CES2: variants seen among roughly 807,000 people sequenced by gnomAD.
CES2 encodes the protein carboxylesterase 2, also known as cocaine esterase.
A neutral mutation model predicts 52.1 loss-of-function variants in CES2; 42 were observed. The observed-to-expected ratio is 0.81, with a 90% confidence interval of 0.63 to 1.04. CES2 has a LOEUF of 1.04. Among genes scored for constraint, CES2 ranks in the 50% least tolerant of loss-of-function variants. CES2 has a pLI of 0.00. For missense variants in CES2, 656 were observed against 724.3 expected (o/e 0.91, Z 1.08); for synonymous variants, 277 against 289.6 (o/e 0.96, Z 0.44).
At chr16:66,936,137 G>T (rs112096129) in intron 1 of CES2, among the ~76,000 whole-genome samples, 2 of 152,278 alleles carry the variant, frequency 1.3e-5, no homozygotes, top group South Asian at 4.1e-4. Flanking sequence ...TGGCCAGGGG[G>T]GATGCCCTGA....
rs767936258 is a variant in CES2, at chr16:66,941,108, C to G, written c.817-16C>G. On this transcript the variant is annotated splice_polypyrimidine_tract_variant and intron_variant, in intron 5 of 11. Transcript: ENST00000317091. ...ACCTGGAAGGATGAGCCAGCCCCTG[C>G]CTGGTCCCTTTACAGGTGGTGGCCA... is the stretch of plus-strand genomic sequence containing the variant. The G allele has an allele frequency of 1.9e-6, 3 of 1,613,672 alleles. No homozygotes were observed. The highest frequency in any genetic ancestry group is 1.7e-6 in the Non-Finnish European group (2 of 1,179,872).
intron 1 of CES2, chr16:66,935,968 C>G (rs1963201483): frequency 7.1e-7 from 1 of 1,403,880 alleles, no homozygotes; most frequent in Admixed American, 2.9e-5. Context: ...CCGGGACATG[C>G]CAGGCCGGGT....
chr16:66,941,257 G>T (rs1292048520), intron 6 of CES2, 35 bp downstream of exon 6: 3 of 1,610,190 alleles, frequency 1.9e-6, no homozygotes, highest in Non-Finnish European at 2.5e-6. Context: ...AGAGGAAGGG[G>T]TGCAATAGGC....
chr16:66,936,133 G>A (rs1355580589), intron 1 of CES2, among the ~76,000 whole-genome samples: 1 of 152,148 alleles, frequency 6.6e-6, no homozygotes, highest in Admixed American at 6.5e-5. Flanking sequence ...TCCTTGGCCA[G>A]GGGGGATGCC....
chr16:66,939,478 G>A (rs8045523), intron 3 of CES2, 120 bp downstream of exon 3: 209,469 of 1,095,130 alleles, frequency 0.19, 29,416 homozygotes, highest in African/African-American at 0.66. Context: ...GCTTCTCACT[G>A]TCAGGTCCAA....
chr16:66,941,027 T>G, intron 5 of CES2, 97 bp from the exon 6 acceptor site: 22 of 1,528,844 alleles, frequency 1.4e-5, no homozygotes, highest in Non-Finnish European at 1.7e-5. Flanking sequence ...AAGTACCCTC[T>G]GAGATTTGGG....
upstream of CES2, chr16:66,934,474 A>C (rs994962186): frequency 1.4e-6 from 2 of 1,409,460 alleles, no homozygotes; most frequent in Admixed American, 5.8e-5. The surrounding 1 kb of genome is among the most constrained non-coding windows in gnomAD (Gnocchi z 4.1). Flanking sequence ...CGCGAGGGAC[A>C]CGCCGCGTTG....
At position 66,938,224 on chromosome 16, in the gene CES2, A is replaced by AACC. The variant is rs1166411762; in HGVS notation, c.268_270dup (p.Thr90dup). 2 of 1,613,314 alleles carry AACC rather than the reference A, an allele frequency of 1.2e-6. No individual in the cohort carries two copies. The highest frequency in any genetic ancestry group is 1.7e-6 in the Non-Finnish European group (2 of 1,179,394). ...AATCTTGGAGTGGTGTGAGGGATGG[A>AACC]ACCACCCATCCGGCCATGTAAGCTC... On this transcript the variant is annotated inframe_insertion, in exon 2 of 12. Transcript: ENST00000317091.
intron 6 of CES2, 32 bp downstream of exon 6, chr16:66,941,254 G>A: frequency 6.2e-7 from 1 of 1,611,386 alleles, no homozygotes; most frequent in Non-Finnish European, 8.5e-7. Flanking sequence ...TGTAGAGGAA[G>A]GGGTGCAATA....
At position 66,943,993 on chromosome 16, in the gene CES2, G is replaced by A. The variant is rs147694237; in HGVS notation, c.1648G>A (p.Glu550Lys). 2.6e-4 allele frequency: 411 copies of A among 1,578,080 alleles called. 2 individuals are homozygous for A. In the African/African-American group the frequency reaches 4.9e-3, roughly 19 times the overall value. ...GCTGCCCCAAAAGATCCAGGAGCTCGAGGAGCCTGAAGAGAGACACACAGA... is the reference window on the plus strand; with the variant it reads ...GCTGCCCCAAAAGATCCAGGAGCTCAAGGAGCCTGAAGAGAGACACACAGA... ...KALPQKIQEL[E>K]EPEERHTEL The change falls in exon 12 of 12, where the codon GAG (glutamate) becomes AAG (lysine). Residue 550 changes from glutamate to lysine, a missense_variant. By Grantham distance (56) the Glu-to-Lys change is moderately conservative. Transcript: ENST00000317091. The surrounding 1 kb of genome is among the most constrained non-coding windows in gnomAD (Gnocchi z 4.2).
chr16:66,943,717 A>T lies in CES2; in HGVS notation c.1494-122A>T, dbSNP rs1963418219. ...CCTGTTTCTGGAAGCCTCCCCACTC[A>T]TTCCCCAAGCCCACCTGGCCTGCTT... On this transcript the variant is annotated intron_variant, in intron 11 of 11. Coordinates refer to ENST00000317091, the MANE Select transcript of CES2 (RefSeq NM_001365405.1). The surrounding 1 kb of genome is among the most constrained non-coding windows in gnomAD (Gnocchi z 4.2). 1 of 764,618 alleles carries T rather than the reference A, an allele frequency of 1.3e-6. No individual in the cohort carries two copies. Among genetic ancestry groups the T allele is most frequent in the Non-Finnish European group, 2.1e-6 (1 of 471,954 alleles). The allele number at this position is 764,618 out of a possible 1,614,324, so 47.4% of individuals were successfully genotyped here.
Position 66,935,665 on chromosome 16 carries a change from G to A in CES2, c.30G>A (p.Leu10=), listed in dbSNP as rs1463296061. The A allele has an allele frequency of 1.2e-6, 2 of 1,602,818 alleles. No homozygotes were observed. Among genetic ancestry groups the A allele is most frequent in the Non-Finnish European group, 1.7e-6 (2 of 1,179,870 alleles). Residue 10 remains leucine, a synonymous_variant, in exon 1 of 12, where the codon CTG becomes CTA. Coordinates refer to ENST00000317091, the MANE Select transcript of CES2 (RefSeq NM_001365405.1). ...GGCTGCACAGACTTCGTGCGCGGCT[G>A]AGCGCGGTGGCCTGTGGGCTTCTGC... is the stretch of plus-strand genomic sequence containing the variant. MRLHRLRAR[L]SAVACGLLLL...
At chr16:66,942,307 C>G in intron 9 of CES2, 58 bp downstream of exon 9, 1 of 1,528,200 alleles carries the variant, frequency 6.5e-7, no homozygotes. Flanking sequence ...CTGTGGGTCC[C>G]AGGTGAGACC....
chr16:66,941,240 TG>T lies in CES2; in HGVS notation c.915+21del. On this transcript the variant is annotated intron_variant, in intron 6 of 11. Transcript: ENST00000317091. The stretch of plus-strand genomic sequence containing the variant: ...TTAACAAGGTTGGTCTAAATGGATG[TG>T]GGTGTAGAGGAAGGGGTGCAATAGG... 1 of 1,613,510 alleles carries T rather than the reference TG, an allele frequency of 6.2e-7. No homozygotes were observed. The highest frequency in any genetic ancestry group is 8.5e-7 in the Non-Finnish European group (1 of 1,179,752).
Position 66,938,332 on chromosome 16 carries a change from C to G in CES2, c.281+91C>G, listed in dbSNP as rs796150914. The G allele has an allele frequency of 4.3e-5, 39 of 902,430 alleles. 2 individuals are homozygous for G. In the Middle Eastern group the frequency reaches 1.6e-3, roughly 36 times the overall value. 55.9% of individuals were successfully genotyped at this position (902,430 alleles called of 1,614,324 possible). ...AGCTAGGCTGCAGTTATCATTTCAT[C>G]TAAACCCCCACAGCCAGTTTTCCTT... On this transcript the variant is annotated intron_variant, in intron 2 of 11. Coordinates refer to ENST00000317091, the MANE Select transcript of CES2 (RefSeq NM_001365405.1).
chr16:66,937,247 G>C (rs1364299509), intron 1 of CES2, among the ~76,000 whole-genome samples: 1 of 152,138 alleles, frequency 6.6e-6, no homozygotes, highest in East Asian at 1.9e-4. Context: ...AGCCATAGGA[G>C]GGTACAGGTG....
chr16:66,943,147 G>T lies in CES2; in HGVS notation c.1421-152G>T. 1 of 815,124 alleles carries T rather than the reference G, an allele frequency of 1.2e-6. No homozygotes were observed. The allele number at this position is 815,124 out of a possible 1,614,324, so 50.5% of individuals were successfully genotyped here. A position where few individuals can be genotyped will look rare whatever the true frequency, so the allele number is the denominator to read the frequency against. On this transcript the variant is annotated intron_variant, in intron 10 of 11. Transcript: ENST00000317091. This position sits in a 1 kb window ranked among gnomAD's most constrained non-coding sequence, Gnocchi z 4.2. Reference sequence around the variant, plus strand: ...AGAGCCTGGTCTACAGGGAAAGTTTGGAAAAGGGGAGGGCTGGCTTCTGAG... The same window carrying T: ...AGAGCCTGGTCTACAGGGAAAGTTTTGAAAAGGGGAGGGCTGGCTTCTGAG...
intron 1 of CES2, 62 bp downstream of exon 1, chr16:66,935,773 A>T (rs1156914814): frequency 1.3e-6 from 2 of 1,597,638 alleles, no homozygotes; most frequent in Non-Finnish European, 1.7e-6. Flanking sequence ...CTGCGGAGGC[A>T]GAACCTGACA....
Position 66,940,306 on chromosome 16 carries a change from G to T in CES2, c.508G>T (p.Val170Leu). The part of the protein sequence containing the change: ...DGSMLAALEN[V>L]VVVIIQYRLG... ...TTCCATGCTGGCTGCCTTGGAGAAC[G>T]TGGTGGTGGTCATCATCCAGTACCG... The change falls in exon 4 of 12, where the codon GTG becomes TTG. Residue 170 changes from valine to leucine, a missense_variant. Transcript: ENST00000317091. 1.9e-6 allele frequency: 3 copies of T among 1,614,118 alleles called. No homozygotes were observed. The highest frequency in any genetic ancestry group is 2.2e-5 in the South Asian group (2 of 91,078).
Sources: allele counts gnomAD v4.1 joint callset (sites outside exome capture counted in the v4.1 genomes callset), GRCh38; gene constraint gnomAD v4.1.1; non-coding constraint Gnocchi (gnomAD v3.1); transcripts MANE v1.5; gene names NCBI Gene and HGNC (gene_info 2026-07-23, HGNC 2026-07-21).